The following TYW1B variants were observed in gnomAD, a reference collection of about 807,000 sequenced individuals.
The protein encoded by TYW1B is tRNA-yW synthesizing protein 1 homolog B.
In TYW1B, 73 loss-of-function variants were observed where a neutral mutation model predicts 86.9. That is an observed-to-expected ratio of 0.84 (90% CI 0.70 to 1.02). The LOEUF is 1.02. Among genes scored for constraint, TYW1B ranks in the 50% least tolerant of loss-of-function variants. TYW1B has a pLI of 0.00. For synonymous variants in TYW1B, 248 were observed against 292.8 expected (o/e 0.85, Z 1.56); for missense variants, 637 against 827.4 (o/e 0.77, Z 2.82).
At chr7:72,619,423 T>C (rs1156492371) in intron 12 of TYW1B, among the ~76,000 whole-genome samples, 6 of 151,500 alleles carry the variant, frequency 4.0e-5, no homozygotes, top group Admixed American at 6.6e-5. Context: ...GGGTGGATCA[T>C]GAGGTCAGGA....
Position 72,748,223 on chromosome 7 carries a change from G to C in TYW1B, c.965-3622C>G, listed in dbSNP as rs1478308963. 7.9e-4 allele frequency among the ~76,000 whole-genome samples: 118 copies of C among 148,476 alleles called. 1 individual carries two copies. The highest frequency in any genetic ancestry group is 2.6e-3 in the African/African-American group (106 of 40,584). On this transcript the variant is annotated intron_variant, in intron 7 of 13. Transcript: ENST00000620995. ...GGCAGAGCTTGCAGTGAGCCGAGATGGCGCCACTGCACTCCAGCCTGGGTG... is the reference window on the plus strand; with the variant it reads ...GGCAGAGCTTGCAGTGAGCCGAGATCGCGCCACTGCACTCCAGCCTGGGTG...
intron 13 of TYW1B, among the ~76,000 whole-genome samples, chr7:72,580,051 A>C (rs1474131467): frequency 6.6e-6 from 1 of 152,098 alleles, no homozygotes; most frequent in African/African-American, 2.4e-5. Flanking sequence ...CCATCTCCAA[A>C]TATAGCCACA....
chr7:72,815,092 A>AAAATTGTG (rs1193106474), intron 3 of TYW1B, among the ~76,000 whole-genome samples: 3 of 149,124 alleles, frequency 2.0e-5, no homozygotes, highest in Non-Finnish European at 4.5e-5. Context: ...AAAAAAAAAG[A>AAAATTGTG]AAATTGTGGG....
At chr7:72,594,269 T>C (rs1554432201) in intron 13 of TYW1B, among the ~76,000 whole-genome samples, 1 of 151,538 alleles carries the variant, frequency 6.6e-6, no homozygotes, top group African/African-American at 2.4e-5. Flanking sequence ...TTTAGCTGGA[T>C]GAATTTTTAA....
At chr7:72,626,014 ATAAAT>A (rs567313553) in intron 12 of TYW1B, among the ~76,000 whole-genome samples, 136 of 152,098 alleles carry the variant, frequency 8.9e-4, no homozygotes, top group African/African-American at 3.0e-3. Flanking sequence ...TAGCTAAATC[ATAAAT>A]TAAAACACCA....
Position 72,575,421 on chromosome 7 carries a change from G to T in TYW1B, c.*77C>A, listed in dbSNP as rs1286209551. On this transcript the variant is annotated 3_prime_UTR_variant, in exon 14 of 14. Coordinates refer to ENST00000620995, the MANE Select transcript of TYW1B (RefSeq NM_001145440.3). ...GTATAATTTACGTAATTCGTCCTTGGAGAATCAGAGTGGTGTTCAAGAACC... is the reference window on the plus strand; with the variant it reads ...GTATAATTTACGTAATTCGTCCTTGTAGAATCAGAGTGGTGTTCAAGAACC... The T allele has an allele frequency of 5.1e-6, 8 of 1,555,956 alleles. No individual in the cohort carries two copies. Among genetic ancestry groups the T allele is most frequent in the Non-Finnish European group, 6.1e-6 (7 of 1,153,956 alleles).
chr7:72,677,573 A>C (rs1436701592), intron 11 of TYW1B, among the ~76,000 whole-genome samples: 2 of 152,206 alleles, frequency 1.3e-5, no homozygotes, highest in Non-Finnish European at 2.9e-5. Context: ...TGGCGGAATG[A>C]AAAATGGCTA....
At chr7:72,803,745 C>T (rs1294888052) in intron 5 of TYW1B, among the ~76,000 whole-genome samples, 5 of 151,882 alleles carry the variant, frequency 3.3e-5, no homozygotes, top group Admixed American at 3.3e-4. Flanking sequence ...TCCAGAGTAG[C>T]TGGGACTACA....
intron 13 of TYW1B, among the ~76,000 whole-genome samples, chr7:72,608,955 C>T (rs1189096463): frequency 6.6e-6 from 1 of 152,170 alleles, no homozygotes; most frequent in Admixed American, 6.5e-5. Context: ...GAACTAAACA[C>T]ACACATGTGA....
chr7:72,821,477 T>C (rs1357721503), intron 2 of TYW1B, among the ~76,000 whole-genome samples: 1 of 152,346 alleles, frequency 6.6e-6, no homozygotes, highest in African/African-American at 2.4e-5. Context: ...CCTCATTTTT[T>C]CCCTTAAAAA....
intron 11 of TYW1B, among the ~76,000 whole-genome samples, chr7:72,651,111 T>C (rs1813044055): frequency 6.6e-6 from 1 of 152,168 alleles, no homozygotes; most frequent in African/African-American, 2.4e-5. Context: ...TATGCTAACT[T>C]AGTGAGGTAA....
rs552046076 is a variant in TYW1B at position 72,645,603 on chromosome 7, A to G, written c.1507-16606T>C. Reference sequence around the variant, plus strand: ...CATACATTGACATATAGCAATGAAAATGGGTGAATTACAGCTGCACACATC... The same window carrying G: ...CATACATTGACATATAGCAATGAAAGTGGGTGAATTACAGCTGCACACATC... On this transcript the variant is annotated intron_variant, in intron 11 of 13. Coordinates refer to ENST00000620995, the MANE Select transcript of TYW1B (RefSeq NM_001145440.3). Among the ~76,000 whole-genome samples, 124 of 152,332 alleles carry G rather than the reference A, an allele frequency of 8.1e-4. 3 individuals carry two copies. The highest frequency in any genetic ancestry group is 1.4e-3 in the South Asian group (7 of 4,828).
At position 72,740,381 on chromosome 7, in the gene TYW1B, C is replaced by CA. The variant is rs1426788384; in HGVS notation, c.1082+4102dup. The stretch of plus-strand genomic sequence containing the variant: ...CACCACTGTACTACAGCCTGGGTGA[C>CA]AGAGCAAGACCCTGTCTCAAAAGGA... On this transcript the variant is annotated intron_variant, in intron 8 of 13. Transcript: ENST00000620995. 3.5e-5 allele frequency among the ~76,000 whole-genome samples: 5 copies of CA among 143,090 alleles called. No homozygotes were observed. The East Asian group carries it at 1.0e-3, about 29-fold the overall frequency. 93.9% of individuals were successfully genotyped at this position (143,090 alleles called of 152,430 possible). A position where few individuals can be genotyped will look rare whatever the true frequency, so the allele number is the denominator to read the frequency against.
At chr7:72,719,017 C>T (rs1166968091) in intron 9 of TYW1B, among the ~76,000 whole-genome samples, 1 of 152,146 alleles carries the variant, frequency 6.6e-6, no homozygotes, top group African/African-American at 2.4e-5. Flanking sequence ...CACACACATA[C>T]AGCTATTATA....
chr7:72,631,826 T>C (rs536737046), intron 11 of TYW1B, among the ~76,000 whole-genome samples: 59 of 152,182 alleles, frequency 3.9e-4, no homozygotes, highest in Middle Eastern at 6.8e-3. Flanking sequence ...TCCCAACCCA[T>C]GTACTAGGTA....
Position 72,815,446 on chromosome 7 carries a change from G to T in TYW1B, c.171C>A (p.Ser57=), listed in dbSNP as rs782336758. 6.8e-6 allele frequency: 11 copies of T among 1,610,170 alleles called. No individual in the cohort carries two copies. Among genetic ancestry groups the T allele is most frequent in the Non-Finnish European group, 9.3e-6 (11 of 1,179,188 alleles). ...TAATAATGGCCACAGGCAGATCCAG[G>T]GACGTAACTGCTTCAGCAAGAACTG... ...FATVLAEAVT[S]LDLPVAIINL... is the part of the protein sequence containing the mutation. The change falls in exon 3 of 14, where the codon TCC becomes TCA. Residue 57 remains serine, a synonymous_variant. Transcript: ENST00000620995.
intron 12 of TYW1B, among the ~76,000 whole-genome samples, chr7:72,623,645 G>C (rs1157880002): frequency 6.6e-6 from 1 of 152,032 alleles, no homozygotes; most frequent in African/African-American, 2.4e-5. Context: ...CTCCCTTACA[G>C]CCCTGACAGA....
At chr7:72,705,023 A>G (rs1204014528) in intron 10 of TYW1B, among the ~76,000 whole-genome samples, 2 of 152,194 alleles carry the variant, frequency 1.3e-5, no homozygotes, top group African/African-American at 4.8e-5. Flanking sequence ...GGGGCGGGGA[A>G]CTTCTATTGA....
At chr7:72,790,332 G>T (rs1271943276) in intron 6 of TYW1B, among the ~76,000 whole-genome samples, 1 of 152,110 alleles carries the variant, frequency 6.6e-6, no homozygotes, top group Non-Finnish European at 1.5e-5. Flanking sequence ...GACCCATAGG[G>T]CAATGTGGTA....
Sources: gnomAD v4.1 joint callset for allele counts (sites outside exome capture counted in the v4.1 genomes callset) on GRCh38, gnomAD v4.1.1 for gene constraint, MANE v1.5 for transcripts, NCBI Gene and HGNC (gene_info 2026-07-23, HGNC 2026-07-21) for gene names.